FHIP1A: variants seen among roughly 807,000 people sequenced by gnomAD.
FHIP1A encodes FHF complex subunit HOOK-interacting protein 1A.
Under a neutral mutation model 88.6 loss-of-function variants are expected in FHIP1A, and 61 were observed. The observed-to-expected ratio is 0.69, with a 90% CI of 0.56 to 0.85. The LOEUF is 0.85. Among genes scored for constraint, FHIP1A ranks in the 40% least tolerant of loss-of-function variants. FHIP1A has a pLI of 0.00. For synonymous variants in FHIP1A, 478 were observed against 496.0 expected (o/e 0.96, Z 0.48); for missense variants, 1,154 against 1,273.5 (o/e 0.91, Z 1.43).
intron 8 of FHIP1A, among the ~76,000 whole-genome samples, chr4:151,635,042 C>T (rs951337839): frequency 6.6e-6 from 1 of 151,642 alleles, no homozygotes; most frequent in African/African-American, 2.4e-5. Flanking sequence ...CTGTAACTCA[C>T]CACCAACCAA....
At chr4:151,558,447 A>G (rs1016591452) in intron 3 of FHIP1A, among the ~76,000 whole-genome samples, 2 of 152,130 alleles carry the variant, frequency 1.3e-5, no homozygotes, top group Non-Finnish European at 2.9e-5. Context: ...AGGCATGAGA[A>G]TCGCTTGAAC....
intron 1 of FHIP1A, among the ~76,000 whole-genome samples, chr4:151,413,686 C>T (rs1034389531): frequency 1.3e-5 from 2 of 151,940 alleles, no homozygotes; most frequent in Admixed American, 6.6e-5. Context: ...AATTCCTGGC[C>T]TCAAGTGATC....
intron 8 of FHIP1A, 55 bp downstream of exon 8, chr4:151,629,924 G>C: frequency 7.6e-7 from 1 of 1,312,108 alleles, no homozygotes; most frequent in Non-Finnish European, 1.0e-6. Flanking sequence ...TTTCAGGAGA[G>C]TTTTTTTTTG....
chr4:151,632,715 TAAAC>T (rs1329039265), intron 8 of FHIP1A, among the ~76,000 whole-genome samples: 1 of 151,888 alleles, frequency 6.6e-6, no homozygotes, highest in Non-Finnish European at 1.5e-5. Context: ...ACATACAAAT[TAAAC>T]AACACATTCT....
At position 151,650,418 on chromosome 4, in the gene FHIP1A, A is replaced by C; in HGVS notation, c.2377A>C (p.Lys793Gln). The change falls in exon 11 of 14, where the codon AAA becomes CAA. Residue 793 changes from lysine to glutamine, a missense_variant. Physicochemically the swap from Lys to Gln is moderately conservative, Grantham distance 53. Transcript: ENST00000435205. ...TKEEEGKEES[K>Q]GEKEKEGKKE... The stretch of plus-strand genomic sequence containing the variant: ...GGAGGAAGAAGGGAAGGAAGAGAGT[A>C]AAGGAGAAAAGGAGAAGGAGGGGAA... 9.7e-6 allele frequency: 15 copies of C among 1,551,626 alleles called. No homozygotes were observed. Among genetic ancestry groups the C allele is most frequent in the Non-Finnish European group, 1.3e-5 (15 of 1,146,884 alleles).
chr4:151,426,998 G>T (rs574076604), intron 1 of FHIP1A, among the ~76,000 whole-genome samples: 1 of 152,108 alleles, frequency 6.6e-6, no homozygotes, highest in Non-Finnish European at 1.5e-5. Context: ...TATATCAGAA[G>T]TGTAATATTT....
At chr4:151,423,776 G>T (rs1733263317) in intron 1 of FHIP1A, among the ~76,000 whole-genome samples, 1 of 152,136 alleles carries the variant, frequency 6.6e-6, no homozygotes, top group South Asian at 2.1e-4. Flanking sequence ...AGCCACAAAA[G>T]GTAGTGACAA....
intron 4 of FHIP1A, among the ~76,000 whole-genome samples, chr4:151,570,360 CT>C (rs1733551229): frequency 6.6e-6 from 1 of 152,148 alleles, no homozygotes; most frequent in South Asian, 2.1e-4. Flanking sequence ...TCTAAGAAAC[CT>C]TCCCTGCCCT....
intron 3 of FHIP1A, among the ~76,000 whole-genome samples, chr4:151,529,118 C>T (rs1018090111): frequency 1.9e-4 from 29 of 152,162 alleles, no homozygotes; most frequent in Non-Finnish European, 3.7e-4. Context: ...CTCATGGCCT[C>T]TTTCACAGGT....
At chr4:151,619,070 C>T (rs1442597332) in intron 7 of FHIP1A, among the ~76,000 whole-genome samples, 2 of 152,172 alleles carry the variant, frequency 1.3e-5, no homozygotes, top group African/African-American at 4.8e-5. Flanking sequence ...GAACAGGAAG[C>T]GGGAGCTGAT....
intron 3 of FHIP1A, among the ~76,000 whole-genome samples, chr4:151,531,538 G>A (rs190303974): frequency 8.0e-5 from 12 of 150,356 alleles, no homozygotes; most frequent in African/African-American, 2.7e-4. Context: ...CAGTCTGGCC[G>A]AATCTCTGTT....
chr4:151,539,270 A>G (rs1275400481), intron 3 of FHIP1A, among the ~76,000 whole-genome samples: 1 of 152,134 alleles, frequency 6.6e-6, no homozygotes, highest in Non-Finnish European at 1.5e-5. Context: ...TGAGAATACA[A>G]CTGACTTCTT....
At chr4:151,559,729 G>A (rs1195098176) in intron 3 of FHIP1A, among the ~76,000 whole-genome samples, 1 of 152,134 alleles carries the variant, frequency 6.6e-6, no homozygotes, top group African/African-American at 2.4e-5. Flanking sequence ...ATGCTGCAAG[G>A]TACTAGTGTA....
intron 3 of FHIP1A, among the ~76,000 whole-genome samples, chr4:151,488,787 C>G (rs1360956372): frequency 6.6e-6 from 1 of 152,204 alleles, no homozygotes; most frequent in Admixed American, 6.5e-5. Flanking sequence ...TTCTGTGCGT[C>G]TATCACCCAA....
chr4:151,525,589 T>G (rs1285358076), intron 3 of FHIP1A, among the ~76,000 whole-genome samples: 2 of 152,190 alleles, frequency 1.3e-5, no homozygotes, highest in Non-Finnish European at 2.9e-5. Context: ...TCTAAAGAGG[T>G]GTTTGCCATT....
intron 1 of FHIP1A, among the ~76,000 whole-genome samples, chr4:151,443,435 G>T (rs952297455): frequency 6.6e-5 from 10 of 152,054 alleles, no homozygotes; most frequent in African/African-American, 2.4e-4. Flanking sequence ...CAGCTACCAC[G>T]CATGCCTGGC....
chr4:151,594,147 C>T (rs547230750), intron 7 of FHIP1A, among the ~76,000 whole-genome samples: 4 of 152,074 alleles, frequency 2.6e-5, no homozygotes, highest in South Asian at 2.1e-4. Context: ...TTGATGTGCT[C>T]CTGGATTCGG....
chr4:151,666,627 C>G lies in FHIP1A; in HGVS notation c.*3873C>G, dbSNP rs17027767. Among the ~76,000 whole-genome samples, 1 of 152,112 alleles carries G rather than the reference C, an allele frequency of 6.6e-6. No homozygotes were observed. Among genetic ancestry groups the G allele is most frequent in the Non-Finnish European group, 1.5e-5 (1 of 68,016 alleles). On this transcript the variant is annotated 3_prime_UTR_variant, in exon 14 of 14. Transcript: ENST00000435205. ...TGGGCAGCCAGTGGGTACTCAGGGT[C>G]GAAAGTTGTTTCCAGTGTCTCCAAA...
chr4:151,588,886 A>G lies in FHIP1A; in HGVS notation c.938A>G (p.Asn313Ser), dbSNP rs557331200. 21 of 1,551,300 alleles carry G rather than the reference A, an allele frequency of 1.4e-5. No homozygotes were observed. The highest frequency in any genetic ancestry group is 2.4e-5 in the East Asian group (1 of 40,924). The change falls in exon 7 of 14, where the codon AAT (asparagine) becomes AGT (serine). Residue 313 changes from asparagine to serine, a missense_variant. By Grantham distance (46) the Asn-to-Ser change is conservative. Transcript: ENST00000435205. ...AATCAGCTTGTCAATTACATTTACA[A>G]TGGATTTTTGGTACCAGTCTTGGCT... ...IRNQLVNYIY[N>S]GFLVPVLAPA... is the part of the protein sequence containing the mutation.
Sources: allele counts gnomAD v4.1 joint callset (sites outside exome capture counted in the v4.1 genomes callset), GRCh38; gene constraint gnomAD v4.1.1; transcripts MANE v1.5; gene names NCBI Gene and HGNC (gene_info 2026-07-23, HGNC 2026-07-21).